CADPS: variants seen among roughly 807,000 people sequenced by gnomAD.
CADPS encodes calcium-dependent secretion activator 1.
In CADPS, 57 loss-of-function variants were observed where a neutral mutation model predicts 167.3. That is an observed-to-expected ratio of 0.34 (90% CI 0.28 to 0.42). The LOEUF (loss-of-function observed/expected upper bound fraction) is 0.42, where lower values mean the gene tolerates loss of function less well. Ranked by LOEUF, CADPS falls within the 20% of genes least tolerant of loss-of-function variation. The probability of loss-of-function intolerance (pLI) is 1.00; values close to 1 mark genes in which losing one functional copy is unlikely to be tolerated. For missense variants in CADPS, 1,414 were observed against 1,738.1 expected, an observed-to-expected ratio of 0.81 and a Z score of 3.32; for synonymous variants, 676 against 635.3, an observed-to-expected ratio of 1.06 and a Z score of -0.96.
At chr3:62,447,565 G>T (rs944143714) in intron 26 of CADPS, among the ~76,000 whole-genome samples, 2 of 152,132 alleles carry the variant, frequency 1.3e-5, no homozygotes, top group Non-Finnish European at 2.9e-5. Flanking sequence ...GAAACTCAGG[G>T]AAAATTTATA....
chr3:62,570,802 T>A, intron 9 of CADPS, 70 bp downstream of exon 9: 1 of 1,055,278 alleles, frequency 9.5e-7, no homozygotes, highest in Non-Finnish European at 1.5e-6. Context: ...TATACCTCAG[T>A]TAAAAAGCAT....
intron 4 of CADPS, among the ~76,000 whole-genome samples, chr3:62,654,705 T>C (rs1373159384): frequency 6.6e-6 from 1 of 152,278 alleles, no homozygotes; most frequent in South Asian, 2.1e-4. Flanking sequence ...CTCATTACAC[T>C]GACCTGTATC....
intron 13 of CADPS, chr3:62,530,693 CT>C (rs1204610345): frequency 7.8e-6 from 10 of 1,288,152 alleles, no homozygotes; most frequent in South Asian, 5.0e-5. Context: ...GGAATCTTTT[CT>C]TTTTTTGGAT....
At chr3:62,475,592 A>AC (rs2061187016) in intron 23 of CADPS, among the ~76,000 whole-genome samples, 6 of 142,718 alleles carry the variant, frequency 4.2e-5, no homozygotes, top group East Asian at 1.9e-4. Context: ...AAGAAAAAAA[A>AC]AAAAAAAAAA....
At chr3:62,464,394 G>A (rs895549421) in intron 26 of CADPS, among the ~76,000 whole-genome samples, 2 of 152,134 alleles carry the variant, frequency 1.3e-5, no homozygotes, top group East Asian at 3.9e-4. Flanking sequence ...AGACCCACAG[G>A]CAGTGGGTCC....
chr3:62,843,492 G>GGTGT lies in CADPS; in HGVS notation c.441+31093_441+31096dup, dbSNP rs150223612. Among the ~76,000 whole-genome samples, 99 of 149,110 alleles carry GGTGT rather than the reference G, an allele frequency of 6.6e-4. 1 individual carries two copies. The highest frequency in any genetic ancestry group is 2.1e-3 in the African/African-American group (87 of 40,750). ...GTGATATATACAAGATGGCAGTTGG[G>GGTGT]GTGTGTGTGTGTGTGTGTGTGTGTG... On this transcript the variant is annotated intron_variant, in intron 1 of 29. Coordinates refer to ENST00000383710, the MANE Select transcript of CADPS (RefSeq NM_003716.4).
chr3:62,727,709 T>C (rs2077003706), intron 3 of CADPS, among the ~76,000 whole-genome samples: 1 of 144,092 alleles, frequency 6.9e-6, no homozygotes, highest in African/African-American at 2.7e-5. Context: ...AACCATTGTC[T>C]TGAGGGACAG....
intron 18 of CADPS, among the ~76,000 whole-genome samples, chr3:62,496,640 C>G (rs2151209751): frequency 6.6e-6 from 1 of 152,310 alleles, no homozygotes; most frequent in South Asian, 2.1e-4. Flanking sequence ...CTAACAATGA[C>G]CATCTATTGT....
chr3:62,481,030 A>G (rs1342505493), intron 22 of CADPS, among the ~76,000 whole-genome samples: 1 of 152,188 alleles, frequency 6.6e-6, no homozygotes, highest in Non-Finnish European at 1.5e-5. Flanking sequence ...TATTCAGATG[A>G]TATGGCTACC....
Position 62,544,790 on chromosome 3 carries a change from G to A in CADPS, c.1966+5113C>T. On this transcript the variant is annotated intron_variant, in intron 11 of 29. Coordinates refer to ENST00000383710, the MANE Select transcript of CADPS (RefSeq NM_003716.4). The surrounding 1 kb of genome is among the most constrained non-coding windows in gnomAD (Gnocchi z 4.4). The stretch of plus-strand genomic sequence containing the variant: ...TTAAGGGGGAGGGAAGCACATTGCA[G>A]GTGTCAGATAATCTAATCTGATTAT... 5 of 920,106 alleles carry A rather than the reference G, an allele frequency of 5.4e-6. No homozygotes were observed. The highest frequency in any genetic ancestry group is 6.9e-6 in the Non-Finnish European group (5 of 722,362). 57.0% of individuals were successfully genotyped at this position (920,106 alleles called of 1,614,324 possible). A position where few individuals can be genotyped will look rare whatever the true frequency, so the allele number is the denominator to read the frequency against.
Position 62,399,659 on chromosome 3 carries a change from G to A in CADPS, c.3883-74C>T, listed in dbSNP as rs1338494799. ...GGGGAGGGAGAAGGTAAAAGCAGGT[G>A]TGGGTGGGAGAGCACTGACCTTCAG... On this transcript the variant is annotated intron_variant, in intron 29 of 29. Transcript: ENST00000383710. The surrounding 1 kb of genome is among the most constrained non-coding windows in gnomAD (Gnocchi z 5.6). 1.6e-6 allele frequency: 2 copies of A among 1,268,802 alleles called. No individual in the cohort carries two copies. Among genetic ancestry groups the A allele is most frequent in the Non-Finnish European group, 2.3e-6 (2 of 883,122 alleles). The allele number at this position is 1,268,802 out of a possible 1,614,324, so 78.6% of individuals were successfully genotyped here. A position where few individuals can be genotyped will look rare whatever the true frequency, so the allele number is the denominator to read the frequency against.
chr3:62,601,290 G>A lies in CADPS; in HGVS notation c.1326-8542C>T, dbSNP rs1562746499. ...GAACATAGTTAGCTTACTCATTTTT[G>A]TTTTGTCTATGGCTTCTTTTGTGCA... On this transcript the variant is annotated intron_variant, in intron 6 of 29. Transcript: ENST00000383710. The surrounding 1 kb of genome is among the most constrained non-coding windows in gnomAD (Gnocchi z 4.3). 6.6e-6 allele frequency among the ~76,000 whole-genome samples: 1 copy of A among 152,046 alleles called. No individual in the cohort carries two copies. The highest frequency in any genetic ancestry group is 2.4e-5 in the African/African-American group (1 of 41,410).
chr3:62,470,074 G>T (rs544090905), intron 24 of CADPS, among the ~76,000 whole-genome samples: 1 of 152,310 alleles, frequency 6.6e-6, no homozygotes, highest in East Asian at 1.9e-4. Flanking sequence ...ACTAGACCAA[G>T]TGAGAAACTA....
At position 62,651,068 on chromosome 3, in the gene CADPS, G is replaced by A. The variant is rs774869379; in HGVS notation, c.982C>T (p.Pro328Ser). Reference protein sequence around the residue: ...ADQIARERKFPKFVSKEMENM... With the variant: ...ADQIARERKFSKFVSKEMENM... ...TCCATTTCTTTGGATACAAACTTGG[G>A]AAATTTGCGTTCCTTGGGAAGAAAA... The change falls in exon 5 of 30, where the codon CCC becomes TCC. Residue 328 changes from proline to serine, a missense_variant. By Grantham distance (74) the Pro-to-Ser change is moderately conservative. Transcript: ENST00000383710. 6.2e-7 allele frequency: 1 copy of A among 1,612,826 alleles called. No individual in the cohort carries two copies. The highest frequency in any genetic ancestry group is 1.1e-5 in the South Asian group (1 of 90,874).
At chr3:62,795,940 T>C (rs1160156640) in intron 1 of CADPS, among the ~76,000 whole-genome samples, 1 of 152,178 alleles carries the variant, frequency 6.6e-6, no homozygotes, top group African/African-American at 2.4e-5. Context: ...GAAATCATGA[T>C]GGTGGGGACA....
chr3:62,557,368 G>T (rs763213199), intron 10 of CADPS, 37 bp downstream of exon 10: 3 of 1,403,940 alleles, frequency 2.1e-6, no homozygotes, highest in Middle Eastern at 3.6e-4. Flanking sequence ...GAAGGTTGAG[G>T]GTTTGTGGGC....
intron 10 of CADPS, among the ~76,000 whole-genome samples, chr3:62,554,166 T>C (rs2077744569): frequency 6.6e-6 from 1 of 152,232 alleles, no homozygotes; most frequent in Non-Finnish European, 1.5e-5. Context: ...AATTATCTAA[T>C]CGGATAGAAA....
intron 1 of CADPS, among the ~76,000 whole-genome samples, chr3:62,869,680 C>T (rs990710037): frequency 3.3e-5 from 5 of 152,052 alleles, no homozygotes; most frequent in African/African-American, 1.2e-4. Context: ...TGTTATCTTC[C>T]AAACTAGAAG....
In CADPS at chr3:62,616,409, G is replaced by A. The variant is rs116517180; in HGVS notation, c.1326-23661C>T. Reference sequence around the variant, plus strand: ...ACAAAAAACAAAGTTACGTTCCTGGGAAGTGAGAGAAAATGCCAAAAAAAA... The same window carrying A: ...ACAAAAAACAAAGTTACGTTCCTGGAAAGTGAGAGAAAATGCCAAAAAAAA... On this transcript the variant is annotated intron_variant, in intron 6 of 29. Transcript: ENST00000383710. Among the ~76,000 whole-genome samples the A allele has an allele frequency of 2.6e-3, 400 of 152,130 alleles. 3 individuals carry two copies. Among genetic ancestry groups the A allele is most frequent in the African/African-American group, 9.1e-3 (376 of 41,514 alleles).
Sources: gnomAD v4.1 joint callset for allele counts (sites outside exome capture counted in the v4.1 genomes callset) on GRCh38, gnomAD v4.1.1 for gene constraint, Gnocchi (gnomAD v3.1) non-coding constraint, MANE v1.5 for transcripts, NCBI Gene and HGNC (gene_info 2026-07-23, HGNC 2026-07-21) for gene names.